PHF2: variants seen among roughly 807,000 people sequenced by gnomAD.
The protein encoded by PHF2 is lysine-specific demethylase PHF2.
Under a neutral mutation model 120.5 loss-of-function variants are expected in PHF2, and 27 were observed. The ratio of observed to expected loss-of-function variants is 0.22; its 90% CI spans 0.17 to 0.31. The LOEUF is 0.31. Ranked by LOEUF, PHF2 falls within the 10% of genes least tolerant of loss-of-function variation. The probability of loss-of-function intolerance (pLI) is 1.00; values close to 1 mark genes in which losing one functional copy is unlikely to be tolerated. For missense variants in PHF2, 1,024 were observed against 1,434.8 expected (o/e 0.71, Z 4.63); for synonymous variants, 568 against 592.5 (o/e 0.96, Z 0.60).
At chr9:93,651,879 A>G (rs989807768) in intron 5 of PHF2, among the ~76,000 whole-genome samples, 2 of 152,158 alleles carry the variant, frequency 1.3e-5, no homozygotes, top group African/African-American at 4.8e-5. Context: ...TTTGAAGGAC[A>G]TGGCTGGAGA....
At chr9:93,629,060 G>A (rs573819531) in intron 1 of PHF2, among the ~76,000 whole-genome samples, 26 of 151,984 alleles carry the variant, frequency 1.7e-4, no homozygotes, top group African/African-American at 6.0e-4. Flanking sequence ...CTGTGCTCCG[G>A]CTAATTTTTT....
chr9:93,588,676 G>C (rs1307309589), intron 1 of PHF2, among the ~76,000 whole-genome samples: 1 of 152,188 alleles, frequency 6.6e-6, no homozygotes, highest in African/African-American at 2.4e-5. Context: ...CGGATCACAA[G>C]GTCAGGAGTT....
chr9:93,666,817 G>C lies in PHF2; in HGVS notation c.2188-263G>C, dbSNP rs201555983. Among the ~76,000 whole-genome samples the C allele has an allele frequency of 5.3e-5, 8 of 152,242 alleles. No homozygotes were observed. In the East Asian group the frequency reaches 1.4e-3, roughly 26 times the overall value. On this transcript the variant is annotated intron_variant, in intron 16 of 21. Coordinates refer to ENST00000359246, the MANE Select transcript of PHF2 (RefSeq NM_005392.4). ...AGTGAGCCTGTAGTCCCAGCTACTT[G>C]GGAGGCTGAGGCAGGAGAATGGTGT...
intron 12 of PHF2, 82 bp from the exon 13 acceptor site, chr9:93,662,825 A>G: frequency 6.4e-7 from 1 of 1,551,404 alleles, no homozygotes; most frequent in Admixed American, 1.7e-5. Context: ...ATGGGCCAGA[A>G]GAAGACAGGG....
At chr9:93,618,846 G>GTC (rs1564383265) in intron 1 of PHF2, among the ~76,000 whole-genome samples, 2 of 132,304 alleles carry the variant, frequency 1.5e-5, no homozygotes, top group African/African-American at 2.9e-5. Context: ...GTGTGTGTGT[G>GTC]TGCCTGTGTG....
At position 93,604,740 on chromosome 9, in the gene PHF2, G is replaced by A. The variant is rs566550191; in HGVS notation, c.99-25230G>A. Among the ~76,000 whole-genome samples, 121 of 152,148 alleles carry A rather than the reference G, an allele frequency of 8.0e-4. 2 individuals are homozygous for A. The South Asian group carries it at 0.023, about 29-fold the overall frequency. On this transcript the variant is annotated intron_variant, in intron 1 of 21. Transcript: ENST00000359246. The stretch of plus-strand genomic sequence containing the variant: ...CGGCCTCCCAAAGTGCTGGGCCACC[G>A]TGCCTGGCCCAGAATTTCTTATATT...
rs1052699487 is a variant in PHF2, at chr9:93,667,090, C to T, written c.2198C>T (p.Ser733Phe). Residue 733 changes from serine to phenylalanine, a missense_variant, in exon 17 of 22, where the codon TCC becomes TTC. Ser to Phe is a radical substitution (Grantham distance 155). Coordinates refer to ENST00000359246, the MANE Select transcript of PHF2 (RefSeq NM_005392.4). ...LDSAAYKSDD[S>F]SDEGSLHIDT... ...TCCCTCGCGCAGCAGAGTGATGACT[C>T]CTCGGACGAGGGTTCGCTGCACATC... is the stretch of plus-strand genomic sequence containing the variant. 1.2e-5 allele frequency: 19 copies of T among 1,612,840 alleles called. No individual in the cohort carries two copies. Among genetic ancestry groups the T allele is most frequent in the Non-Finnish European group, 1.6e-5 (19 of 1,179,906 alleles).
chr9:93,671,798 GT>G (rs1826799308), intron 17 of PHF2, among the ~76,000 whole-genome samples: 1 of 144,142 alleles, frequency 6.9e-6, no homozygotes, highest in African/African-American at 2.6e-5. Flanking sequence ...AGATGCAGGT[GT>G]GGGTGTGGAT....
chr9:93,587,989 G>A (rs2131601925), intron 1 of PHF2, among the ~76,000 whole-genome samples: 1 of 152,332 alleles, frequency 6.6e-6, no homozygotes, highest in Non-Finnish European at 1.5e-5. Flanking sequence ...GGAGGTGGCT[G>A]TGTGGCGGGG....
At chr9:93,614,738 A>G (rs116096175) in intron 1 of PHF2, among the ~76,000 whole-genome samples, 25 of 149,074 alleles carry the variant, frequency 1.7e-4, no homozygotes, top group African/African-American at 6.0e-4. Context: ...AATGAAAGCT[A>G]GGGTCATGGT....
chr9:93,654,496 C>T lies in PHF2; in HGVS notation c.873C>T (p.Ser291=), dbSNP rs755922190. ...GCTGGCGGTCTGCCTCTAACCACAG[C>T]GAGATGTTCTTTGCTGACCAGGTCG... ...YERWRSASNH[S]EMFFADQVDK... is the part of the protein sequence containing the mutation. The change falls in exon 7 of 22, where the codon AGC becomes AGT. Residue 291 remains serine (S), a synonymous_variant. Coordinates refer to ENST00000359246, the MANE Select transcript of PHF2 (RefSeq NM_005392.4). 16 of 1,613,966 alleles carry T rather than the reference C, an allele frequency of 9.9e-6. No homozygotes were observed. In the East Asian group the frequency reaches 1.3e-4, roughly 13 times the overall value.
chr9:93,604,770 T>C (rs1416540465), intron 1 of PHF2, among the ~76,000 whole-genome samples: 1 of 152,194 alleles, frequency 6.6e-6, no homozygotes, highest in East Asian at 1.9e-4. Context: ...TATATTCTAG[T>C]GCTCATCCAT....
intron 1 of PHF2, among the ~76,000 whole-genome samples, chr9:93,612,545 A>T (rs1825654096): frequency 6.6e-6 from 1 of 152,258 alleles, no homozygotes; most frequent in African/African-American, 2.4e-5. Context: ...CTGTTTACTT[A>T]AAGTCACAAA....
intron 2 of PHF2, among the ~76,000 whole-genome samples, chr9:93,634,017 C>T (rs1826051461): frequency 1.3e-5 from 2 of 152,308 alleles, no homozygotes; most frequent in Non-Finnish European, 1.5e-5. Flanking sequence ...TGCAGCCTCT[C>T]CTTGGAGCCC....
Position 93,679,394 on chromosome 9 carries a change from C to T in PHF2, c.*1718C>T, listed in dbSNP as rs1412369538. The T allele has an allele frequency of 2.8e-6, 1 of 356,780 alleles. No homozygotes were observed. Among genetic ancestry groups the T allele is most frequent in the East Asian group, 9.1e-5 (1 of 11,042 alleles). 22.1% of individuals were successfully genotyped at this position (356,780 alleles called of 1,614,324 possible). On this transcript the variant is annotated 3_prime_UTR_variant, in exon 22 of 22. Transcript: ENST00000359246. ...TATATAATCTAACCTGGACATCAAG[C>T]TGTTCTCTCTCTCTCTTTTTTTTAA...
rs140527312 is a variant in PHF2 at position 93,611,511 on chromosome 9, A to G, written c.99-18459A>G. Among the ~76,000 whole-genome samples, 12 of 152,256 alleles carry G rather than the reference A, an allele frequency of 7.9e-5. No individual in the cohort carries two copies. The East Asian group carries it at 2.3e-3, about 29-fold the overall frequency. On this transcript the variant is annotated intron_variant, in intron 1 of 21. Coordinates refer to ENST00000359246, the MANE Select transcript of PHF2 (RefSeq NM_005392.4). ...TCAAAGCAGTTTGTTTGGATTAAAA[A>G]TATTCCTTTTATTTTTTAATACAGG...
rs184457720 is a variant in PHF2 at position 93,656,083 on chromosome 9, G to C, written c.1040+62G>C. 1 of 1,408,476 alleles carries C rather than the reference G, an allele frequency of 7.1e-7. No individual in the cohort carries two copies. Among genetic ancestry groups the C allele is most frequent in the Non-Finnish European group, 9.8e-7 (1 of 1,016,092 alleles). The allele number at this position is 1,408,476 out of a possible 1,614,324, so 87.2% of individuals were successfully genotyped here. On this transcript the variant is annotated intron_variant, in intron 8 of 21. Transcript: ENST00000359246. This position sits in a 1 kb window ranked among gnomAD's most constrained non-coding sequence, Gnocchi z 4.1. ...AGAGCAGCGTCCTCCCTCTAGCTGG[G>C]TCGGTGCTAGATGCCTTGGGCTGAG...
At chr9:93,591,497 C>G (rs1231739281) in intron 1 of PHF2, among the ~76,000 whole-genome samples, 2 of 152,176 alleles carry the variant, frequency 1.3e-5, no homozygotes, top group East Asian at 1.9e-4. Flanking sequence ...GGGAGCAAGC[C>G]TCTTTTCACA....
intron 10 of PHF2, 102 bp from the exon 11 acceptor site, chr9:93,659,409 T>G (rs1826519017): frequency 2.2e-6 from 2 of 914,352 alleles, no homozygotes. Context: ...CTCATGCTCA[T>G]CTGAGTGGCT....
Sources: allele counts gnomAD v4.1 joint callset (sites outside exome capture counted in the v4.1 genomes callset), GRCh38; gene constraint gnomAD v4.1.1; non-coding constraint Gnocchi (gnomAD v3.1); transcripts MANE v1.5; gene names NCBI Gene and HGNC (gene_info 2026-07-23, HGNC 2026-07-21).